Variants in BOC observed in about 807,000 individuals in gnomAD.
The protein encoded by BOC is BOC cell adhesion associated, oncogene regulated, also known as brother of CDO.
BOC carries 76 observed loss-of-function variants against 112.0 expected under a neutral mutation model. The observed-to-expected ratio is 0.68, with a 90% CI of 0.56 to 0.82. The LOEUF (loss-of-function observed/expected upper bound fraction) is 0.82, where lower values mean the gene tolerates loss of function less well. Ranked by LOEUF, BOC falls within the 40% of genes least tolerant of loss-of-function variation. The pLI, the probability that BOC is intolerant of heterozygous loss-of-function variation, is 0.00. For missense variants in BOC, 1,309 were observed against 1,511.7 expected (o/e 0.87, Z 2.22); for synonymous variants, 580 against 599.8 (o/e 0.97, Z 0.48).
intron 4 of BOC, among the ~76,000 whole-genome samples, chr3:113,260,819 C>T (rs1033600133): frequency 6.9e-6 from 1 of 145,968 alleles, no homozygotes; most frequent in Non-Finnish European, 1.5e-5. Flanking sequence ...ACTGTGCATG[C>T]GAGGGATTTA....
Position 113,250,536 on chromosome 3 carries a change from A to G in BOC, c.98-19A>G. 6.3e-7 allele frequency: 1 copy of G among 1,594,180 alleles called. No homozygotes were observed. Among genetic ancestry groups the G allele is most frequent in the Non-Finnish European group, 8.5e-7 (1 of 1,170,166 alleles). ...CTTGGGGGCATCAGTTCATTGCTGC[A>G]TCCCTGTTCTTCCTCCAGACGAGGT... On this transcript the variant is annotated intron_variant, in intron 3 of 19. Transcript: ENST00000682979.
intron 2 of BOC, among the ~76,000 whole-genome samples, chr3:113,248,615 T>G (rs1945231772): frequency 6.6e-6 from 1 of 152,254 alleles, no homozygotes; most frequent in South Asian, 2.1e-4. Context: ...TTTGTTAATG[T>G]TCTATAAACC....
intron 2 of BOC, among the ~76,000 whole-genome samples, chr3:113,242,168 C>T (rs888329858): frequency 1.3e-5 from 2 of 149,914 alleles, no homozygotes; most frequent in African/African-American, 4.9e-5. Context: ...AGTGTAGGAG[C>T]TGCGTTTATC....
At chr3:113,245,132 A>T (rs57661011) in intron 2 of BOC, among the ~76,000 whole-genome samples, 15 of 152,334 alleles carry the variant, frequency 9.8e-5, no homozygotes, top group African/African-American at 3.4e-4. Flanking sequence ...ATTAAAAAAA[A>T]TTTTAATTAA....
At chr3:113,284,706 C>G in intron 17 of BOC, 76 bp from the exon 18 acceptor site, 1 of 1,525,726 alleles carries the variant, frequency 6.6e-7, no homozygotes, top group Non-Finnish European at 9.1e-7. Flanking sequence ...AGCAGATGCT[C>G]CTGTTGTTGA....
At position 113,268,411 on chromosome 3, in the gene BOC, C is replaced by T. The variant is rs1576463638; in HGVS notation, c.489C>T (p.Tyr163=). 2 of 1,614,146 alleles carry T rather than the reference C, an allele frequency of 1.2e-6. No individual in the cohort carries two copies. Among genetic ancestry groups the T allele is most frequent in the East Asian group, 2.2e-5 (1 of 44,886 alleles). The change falls in exon 5 of 20, where the codon TAC becomes TAT. Residue 163 remains tyrosine, a synonymous_variant. Transcript: ENST00000682979. The part of the protein sequence containing the change: ...PESHPKAQVR[Y]SVKQEWLEAS... Reference sequence around the variant, plus strand: ...GCCACCCCAAAGCCCAGGTCCGGTACAGCGTCAAACAAGAGTGGCTGGAGG... The same window carrying T: ...GCCACCCCAAAGCCCAGGTCCGGTATAGCGTCAAACAAGAGTGGCTGGAGG...
In BOC at chr3:113,286,970, T is replaced by G. The variant is rs1207020035; in HGVS notation, c.*108T>G. The G allele has an allele frequency of 9.5e-7, 1 of 1,055,676 alleles. No homozygotes were observed. The highest frequency in any genetic ancestry group is 1.4e-6 in the Non-Finnish European group (1 of 727,474). The allele number at this position is 1,055,676 out of a possible 1,614,324, so 65.4% of individuals were successfully genotyped here. A position where few individuals can be genotyped will look rare whatever the true frequency, so the allele number is the denominator to read the frequency against. ...TATTTATTTTTCTATTATAGCCATA[T>G]TTATATATTTATGCACTTGTAAATA... is the stretch of plus-strand genomic sequence containing the variant. On this transcript the variant is annotated 3_prime_UTR_variant, in exon 20 of 20. Transcript: ENST00000682979.
intron 2 of BOC, among the ~76,000 whole-genome samples, chr3:113,227,933 A>C (rs1380797366): frequency 6.6e-6 from 1 of 152,038 alleles, no homozygotes; most frequent in East Asian, 1.9e-4. Flanking sequence ...GATAGGTCAA[A>C]GATGGATGCC....
rs1314136645 is a variant in BOC at position 113,286,998 on chromosome 3, T to A, written c.*136T>A. 6 of 968,844 alleles carry A rather than the reference T, an allele frequency of 6.2e-6. No individual in the cohort carries two copies. The highest frequency in any genetic ancestry group is 9.4e-6 in the Non-Finnish European group (6 of 639,690). 60.0% of individuals were successfully genotyped at this position (968,844 alleles called of 1,614,324 possible). A position where few individuals can be genotyped will look rare whatever the true frequency, so the allele number is the denominator to read the frequency against. ...ATATATTTATGCACTTGTAAATAAA[T>A]GTATATGTTTTATAATTCTGGAGAG... On this transcript the variant is annotated 3_prime_UTR_variant, in exon 20 of 20. Coordinates refer to ENST00000682979, the MANE Select transcript of BOC (RefSeq NM_001378074.1).
intron 4 of BOC, chr3:113,251,202 C>T (rs1945598775): frequency 2.1e-6 from 1 of 465,662 alleles, no homozygotes; most frequent in Non-Finnish European, 3.8e-6. Context: ...GCTCACACAC[C>T]TTCCAGTCCC....
rs778336352 is a variant in BOC at position 113,287,003 on chromosome 3, A to G, written c.*141A>G. The G allele has an allele frequency of 1.6e-5, 15 of 949,602 alleles. No homozygotes were observed. In the African/African-American group the frequency reaches 2.1e-4, roughly 14 times the overall value. 58.8% of individuals were successfully genotyped at this position (949,602 alleles called of 1,614,324 possible). A position where few individuals can be genotyped will look rare whatever the true frequency, so the allele number is the denominator to read the frequency against. ...TTTATGCACTTGTAAATAAATGTAT[A>G]TGTTTTATAATTCTGGAGAGACATA... On this transcript the variant is annotated 3_prime_UTR_variant, in exon 20 of 20. Transcript: ENST00000682979.
chr3:113,274,732 A>G lies in BOC; in HGVS notation c.1542+50A>G, dbSNP rs1948486079. ...GCCTCCCCTGCACAGCCTTTCCAGCAAGGCTGAGCAGAGTCACTGTCTCTT... is the reference window on the plus strand; with the variant it reads ...GCCTCCCCTGCACAGCCTTTCCAGCGAGGCTGAGCAGAGTCACTGTCTCTT... On this transcript the variant is annotated intron_variant, in intron 9 of 19. Coordinates refer to ENST00000682979, the MANE Select transcript of BOC (RefSeq NM_001378074.1). The surrounding 1 kb of genome is among the most constrained non-coding windows in gnomAD (Gnocchi z 4.8). 1 of 1,520,152 alleles carries G rather than the reference A, an allele frequency of 6.6e-7. No individual in the cohort carries two copies. The highest frequency in any genetic ancestry group is 8.9e-7 in the Non-Finnish European group (1 of 1,125,556). 94.2% of individuals were successfully genotyped at this position (1,520,152 alleles called of 1,614,324 possible). A position where few individuals can be genotyped will look rare whatever the true frequency, so the allele number is the denominator to read the frequency against.
chr3:113,284,647 C>A, intron 17 of BOC, 80 bp downstream of exon 17: 1 of 1,523,970 alleles, frequency 6.6e-7, no homozygotes, highest in Non-Finnish European at 9.0e-7. Context: ...GGCCTCCTCC[C>A]TCCTAGGGTC....
At chr3:113,215,710 A>G (rs1264601485) in intron 1 of BOC, among the ~76,000 whole-genome samples, 1 of 152,210 alleles carries the variant, frequency 6.6e-6, no homozygotes. Flanking sequence ...CTAATTTCTT[A>G]AAGCTCTGCT....
chr3:113,251,065 A>G (rs1945572278), intron 4 of BOC: 1 of 617,570 alleles, frequency 1.6e-6, no homozygotes, highest in Non-Finnish European at 2.9e-6. Context: ...GAGTGTCTAC[A>G]GAGAGGGGAA....
At position 113,236,266 on chromosome 3, in the gene BOC, GTA is replaced by G. The variant is rs1553726813; in HGVS notation, c.-81-13449_-81-13448del. 3.0e-3 allele frequency among the ~76,000 whole-genome samples: 157 copies of G among 52,582 alleles called. 4 individuals carry two copies. The highest frequency in any genetic ancestry group is 3.1e-3 in the African/African-American group (51 of 16,192). 34.5% of individuals were successfully genotyped at this position (52,582 alleles called of 152,430 possible). ...TGTGTGTGTGTGTGTGTGTGTGTGT[GTA>G]TATATACCCATGGGTATATATATAT... On this transcript the variant is annotated intron_variant, in intron 2 of 19. Coordinates refer to ENST00000682979, the MANE Select transcript of BOC (RefSeq NM_001378074.1).
At chr3:113,263,028 G>A (rs536757176) in intron 4 of BOC, among the ~76,000 whole-genome samples, 2 of 152,348 alleles carry the variant, frequency 1.3e-5, no homozygotes, top group Non-Finnish European at 2.9e-5. Context: ...TGCAGGGAAG[G>A]ACCAAAGGAT....
At chr3:113,250,980 C>T (rs1945560649) in intron 4 of BOC, 147 bp downstream of exon 4, 1 of 1,010,734 alleles carries the variant, frequency 9.9e-7, no homozygotes, top group Non-Finnish European at 1.4e-6. Flanking sequence ...ACAGTAGCTG[C>T]CTAGTAATGC....
chr3:113,217,911 T>C (rs1418321408), intron 2 of BOC, among the ~76,000 whole-genome samples: 1 of 152,226 alleles, frequency 6.6e-6, no homozygotes, highest in East Asian at 1.9e-4. Context: ...GTAAAAATTT[T>C]CATCTACATG....
Sources: gnomAD v4.1 joint callset for allele counts (sites outside exome capture counted in the v4.1 genomes callset) on GRCh38, gnomAD v4.1.1 for gene constraint, Gnocchi (gnomAD v3.1) non-coding constraint, MANE v1.5 for transcripts, NCBI Gene and HGNC (gene_info 2026-07-23, HGNC 2026-07-21) for gene names.